Variants in MTMR6 observed in about 807,000 individuals in gnomAD.
MTMR6 encodes the protein myotubularin related protein 6, also known as phosphatidylinositol-3,5-bisphosphate 3-phosphatase MTMR6.
A neutral mutation model predicts 80.1 loss-of-function variants in MTMR6; 47 were observed. The observed-to-expected ratio is 0.59, with a 90% CI of 0.46 to 0.75. The LOEUF (loss-of-function observed/expected upper bound fraction) is 0.75. Among genes scored for constraint, MTMR6 ranks in the 30% least tolerant of loss-of-function variants. The probability of loss-of-function intolerance (pLI) is 0.00; values close to 1 mark genes in which losing one functional copy is unlikely to be tolerated. For missense variants in MTMR6, 629 were observed against 730.9 expected (o/e 0.86, Z 1.61); for synonymous variants, 254 against 253.0 (o/e 1.00, Z -0.04).
chr13:25,265,728 T>C (rs1957439552), intron 5 of MTMR6, 91 bp downstream of exon 5: 1 of 1,361,340 alleles, frequency 7.3e-7, no homozygotes. Context: ...CGAGACCCTA[T>C]CTCAAAAAAA....
chr13:25,261,679 T>C lies in MTMR6; in HGVS notation c.715A>G (p.Thr239Ala). Reference sequence around the variant, plus strand: ...TTTAAAATACATACTTTTGGCCTGGTATCCATGACGTACATATAGCGATTG... The same window carrying C: ...TTTAAAATACATACTTTTGGCCTGGCATCCATGACGTACATATAGCGATTG... ...PVNRYMYVMD[T>A]RPKLNAMANR... is the part of the protein sequence containing the mutation. Residue 239 changes from threonine (T) to alanine (A), a missense_variant, in exon 6 of 14, where the codon ACC (threonine) becomes GCC (alanine). Coordinates refer to ENST00000381801, the MANE Select transcript of MTMR6 (RefSeq NM_004685.5). The C allele has an allele frequency of 6.2e-7, 1 of 1,610,204 alleles. No individual in the cohort carries two copies. Among genetic ancestry groups the C allele is most frequent in the Non-Finnish European group, 8.5e-7 (1 of 1,177,864 alleles).
rs550633719 is a variant in MTMR6, at chr13:25,255,744, G to A, written c.1096-1310C>T. 2.0e-5 allele frequency among the ~76,000 whole-genome samples: 3 copies of A among 152,106 alleles called. 1 individual carries two copies. The highest frequency in any genetic ancestry group is 7.2e-5 in the African/African-American group (3 of 41,520). On this transcript the variant is annotated intron_variant, in intron 9 of 13. Coordinates refer to ENST00000381801, the MANE Select transcript of MTMR6 (RefSeq NM_004685.5). ...TCACCATATTGGCCAGGCTGGTCTC[G>A]AATTCCTGACCTCATGATCCACCCG...
rs1957018994 is a variant in MTMR6 at position 25,248,133 on chromosome 13, T to C, written c.*1099A>G. ...TTTCTATATTTAACAAGAAGAAAAA[T>C]AATGCTCCACATAGAAATGACTTCA... is the stretch of plus-strand genomic sequence containing the variant. On this transcript the variant is annotated 3_prime_UTR_variant, in exon 14 of 14. Coordinates refer to ENST00000381801, the MANE Select transcript of MTMR6 (RefSeq NM_004685.5). 6.6e-6 allele frequency: 1 copy of C among 151,924 alleles called. No individual in the cohort carries two copies. The highest frequency in any genetic ancestry group is 2.4e-5 in the African/African-American group (1 of 41,366). The allele number at this position is 151,924 out of a possible 1,614,324, so 9.4% of individuals were successfully genotyped here.
At chr13:25,282,704 C>T (rs1405451970) in intron 1 of MTMR6, among the ~76,000 whole-genome samples, 1 of 150,668 alleles carries the variant, frequency 6.6e-6, no homozygotes, top group African/African-American at 2.4e-5. Flanking sequence ...CTTCTGGGTT[C>T]AAGTGATTAT....
rs1292145730 is a variant in MTMR6 at position 25,251,259 on chromosome 13, G to A, written c.1605+390C>T. ...TGGTCTCAAACTCTCCTGACCTGGT[G>A]ATCCACCCGCCTCGGCCTCCCAAAG... On this transcript the variant is annotated intron_variant, in intron 13 of 13. Coordinates refer to ENST00000381801, the MANE Select transcript of MTMR6 (RefSeq NM_004685.5). The surrounding 1 kb of genome is among the most constrained non-coding windows in gnomAD (Gnocchi z 4.1). Among the ~76,000 whole-genome samples, 5 of 152,048 alleles carry A rather than the reference G, an allele frequency of 3.3e-5. No individual in the cohort carries two copies. The highest frequency in any genetic ancestry group is 7.4e-5 in the Non-Finnish European group (5 of 68,004).
intron 1 of MTMR6, among the ~76,000 whole-genome samples, chr13:25,283,828 T>C (rs1015938989): frequency 3.3e-5 from 5 of 152,210 alleles, no homozygotes; most frequent in Non-Finnish European, 7.3e-5. Flanking sequence ...GAACTGTCTC[T>C]GCATATTTCT....
chr13:25,279,215 G>A (rs1319751591), intron 1 of MTMR6, among the ~76,000 whole-genome samples: 2 of 152,146 alleles, frequency 1.3e-5, no homozygotes, highest in African/African-American at 2.4e-5. Context: ...CTGGTGGGAG[G>A]TGATTGGATC....
intron 1 of MTMR6, among the ~76,000 whole-genome samples, chr13:25,277,753 C>CAT (rs1321495363): frequency 6.6e-6 from 1 of 152,094 alleles, no homozygotes; most frequent in Non-Finnish European, 1.5e-5. Flanking sequence ...GTGTGTAGTA[C>CAT]ATGTCTGGAC....
Position 25,258,557 on chromosome 13 carries a change from T to C in MTMR6, c.859+3A>G. ...GTGTCTAAAAAAGTAAGCAATAATA[T>C]ACCTTCCAATAATTTCTGAAGGCTG... On this transcript the variant is annotated splice_donor_region_variant and intron_variant, in intron 7 of 13. Transcript: ENST00000381801. 6.3e-7 allele frequency: 1 copy of C among 1,588,284 alleles called. No homozygotes were observed. Among genetic ancestry groups the C allele is most frequent in the Admixed American group, 1.9e-5 (1 of 52,616 alleles).
chr13:25,278,836 G>A (rs191276766), intron 1 of MTMR6, among the ~76,000 whole-genome samples: 17 of 152,068 alleles, frequency 1.1e-4, no homozygotes, highest in African/African-American at 3.4e-4. Flanking sequence ...ACAGAGCAGA[G>A]GCTGAGTCAT....
intron 2 of MTMR6, among the ~76,000 whole-genome samples, chr13:25,273,594 C>T (rs1158245399): frequency 2.0e-5 from 3 of 149,626 alleles, no homozygotes; most frequent in South Asian, 2.1e-4. Flanking sequence ...GGCGCGATCT[C>T]GGCTCACTGC....
At chr13:25,274,043 T>C in intron 2 of MTMR6, 28 bp downstream of exon 2, 1 of 1,303,964 alleles carries the variant, frequency 7.7e-7, no homozygotes, top group Non-Finnish European at 1.1e-6. Flanking sequence ...ATTATTATGA[T>C]AAATAGTACA....
intron 7 of MTMR6, 121 bp downstream of exon 7, chr13:25,258,439 T>C: frequency 1.3e-6 from 1 of 761,750 alleles, no homozygotes; most frequent in Non-Finnish European, 2.0e-6. Flanking sequence ...ATTATTAAAA[T>C]TAATTTCACT....
intron 5 of MTMR6, among the ~76,000 whole-genome samples, chr13:25,262,469 G>C (rs1332438919): frequency 6.6e-6 from 1 of 152,154 alleles, no homozygotes; most frequent in Non-Finnish European, 1.5e-5. Context: ...CTGGGCTCAA[G>C]CAATCCTTCC....
chr13:25,255,180 T>C (rs1310799457), intron 9 of MTMR6, among the ~76,000 whole-genome samples: 1 of 152,276 alleles, frequency 6.6e-6, no homozygotes, highest in East Asian at 1.9e-4. Flanking sequence ...TCTCTGATTT[T>C]GTCTCAAGCC....
Position 25,261,811 on chromosome 13 carries a change from T to A in MTMR6, c.592-9A>T, listed in dbSNP as rs1566037953. ...CATCGACAAATGGCAGCCTATTTTTTAAAGGACAGAAAAGAGATTATGCAA... is the reference window on the plus strand; with the variant it reads ...CATCGACAAATGGCAGCCTATTTTTAAAAGGACAGAAAAGAGATTATGCAA... On this transcript the variant is annotated splice_polypyrimidine_tract_variant and intron_variant, in intron 5 of 13. Coordinates refer to ENST00000381801, the MANE Select transcript of MTMR6 (RefSeq NM_004685.5). 1 of 1,608,624 alleles carries A rather than the reference T, an allele frequency of 6.2e-7. No individual in the cohort carries two copies. Among genetic ancestry groups the A allele is most frequent in the East Asian group, 2.2e-5 (1 of 44,700 alleles).
intron 3 of MTMR6, among the ~76,000 whole-genome samples, chr13:25,266,657 C>G (rs977713587): frequency 6.6e-6 from 1 of 152,176 alleles, no homozygotes; most frequent in Non-Finnish European, 1.5e-5. Context: ...TAATGAGAAG[C>G]TAGAGACAGA....
At chr13:25,264,452 T>G (rs982500395) in intron 5 of MTMR6, among the ~76,000 whole-genome samples, 1 of 151,816 alleles carries the variant, frequency 6.6e-6, no homozygotes, top group African/African-American at 2.4e-5. Flanking sequence ...TAAAAGGACA[T>G]TACTGTGAAA....
At chr13:25,282,997 A>G (rs1194347856) in intron 1 of MTMR6, among the ~76,000 whole-genome samples, 1 of 151,828 alleles carries the variant, frequency 6.6e-6, no homozygotes, top group Non-Finnish European at 1.5e-5. Flanking sequence ...AATTTCAATG[A>G]TTTACCTAAA....
Sources: gnomAD v4.1 joint callset for allele counts (sites outside exome capture counted in the v4.1 genomes callset) on GRCh38, gnomAD v4.1.1 for gene constraint, Gnocchi (gnomAD v3.1) non-coding constraint, MANE v1.5 for transcripts, NCBI Gene and HGNC (gene_info 2026-07-23, HGNC 2026-07-21) for gene names.